The following SYNPO variants were observed in gnomAD, a reference collection of about 807,000 sequenced individuals.
The protein encoded by SYNPO is synaptopodin.
SYNPO carries 19 observed loss-of-function variants against 49.5 expected under a neutral mutation model. That is an observed-to-expected ratio of 0.38 (90% CI 0.27 to 0.56). SYNPO has a LOEUF of 0.56. SYNPO is among the 20% of genes least tolerant of loss of function. The pLI is 0.68. For missense variants in SYNPO, 1,131 were observed against 1,248.3 expected (o/e 0.91, Z 1.42); for synonymous variants, 536 against 548.0 (o/e 0.98, Z 0.31).
At chr5:150,626,392 G>A (rs898402800) in intron 2 of SYNPO, among the ~76,000 whole-genome samples, 4 of 152,144 alleles carry the variant, frequency 2.6e-5, no homozygotes, top group African/African-American at 4.8e-5. Flanking sequence ...CCATCAGTAC[G>A]AAGGGGATGG....
At position 150,626,265 on chromosome 5, in the gene SYNPO, G is replaced by T. The variant is rs143680196; in HGVS notation, c.400+7498G>T. Among the ~76,000 whole-genome samples the T allele has an allele frequency of 2.8e-3, 422 of 152,324 alleles. 1 individual carries two copies. Among genetic ancestry groups the T allele is most frequent in the African/African-American group, 9.5e-3 (395 of 41,574 alleles). On this transcript the variant is annotated intron_variant, in intron 2 of 2. Coordinates refer to the SYNPO transcript ENST00000394243. ...GGCAGGCAGATGAGATCCCTCAGGG[G>T]AGTTGAAAACCCCCCGGGGAGCTGA...
At position 150,650,277 on chromosome 5, in the gene SYNPO, A is replaced by T; in HGVS notation, c.2002A>T (p.Thr668Ser). 1 of 1,613,802 alleles carries T rather than the reference A, an allele frequency of 6.2e-7. No homozygotes were observed. The highest frequency in any genetic ancestry group is 8.5e-7 in the Non-Finnish European group (1 of 1,179,974). ...GCAGGCCCCCAGGCCCTCCTTCTCTACCCGGAACGCCGGGATCGAGGCTCA... is the reference window on the plus strand; with the variant it reads ...GCAGGCCCCCAGGCCCTCCTTCTCTTCCCGGAACGCCGGGATCGAGGCTCA... ...AKQAPRPSFS[T>S]RNAGIEAQDR... Residue 668 changes from threonine to serine, a missense_variant, in exon 2 of 3, where the codon ACC becomes TCC. Physicochemically the swap from Thr to Ser is moderately conservative, Grantham distance 58 (BLOSUM62 1). Coordinates refer to ENST00000307662, the MANE Select transcript of SYNPO (RefSeq NM_007286.6).
chr5:150,654,426 T>C (rs867810724), intron 2 of SYNPO, among the ~76,000 whole-genome samples: 5 of 152,054 alleles, frequency 3.3e-5, no homozygotes, highest in African/African-American at 4.8e-5. Flanking sequence ...TTTACACCTC[T>C]GAGCTTCATT....
chr5:150,589,852 G>T, the SYNPO span, among the ~76,000 whole-genome samples: 1 of 152,222 alleles, frequency 6.6e-6, no homozygotes, highest in Non-Finnish European at 1.5e-5. Context: ...TGTGCTCTCT[G>T]TAGTGCTCTC....
intron 1 of SYNPO, among the ~76,000 whole-genome samples, chr5:150,644,323 A>G (rs1581503009): frequency 6.6e-6 from 1 of 152,282 alleles, no homozygotes; most frequent in East Asian, 1.9e-4. Context: ...TGTTTTGAAG[A>G]TGCAAGAATT....
chr5:150,616,653 T>A (rs40310), intron 1 of SYNPO, among the ~76,000 whole-genome samples: 2 of 152,114 alleles, frequency 1.3e-5, no homozygotes, highest in Admixed American at 1.3e-4. Flanking sequence ...CTAACTCATC[T>A]CCCTGCTCCA....
intron 2 of SYNPO, among the ~76,000 whole-genome samples, chr5:150,619,288 C>T (rs1757077752): frequency 6.6e-6 from 1 of 152,100 alleles, no homozygotes; most frequent in South Asian, 2.1e-4. Context: ...GGTGGGGAAA[C>T]TGAGACTCAG....
At chr5:150,620,007 T>G (rs996377307) in intron 2 of SYNPO, among the ~76,000 whole-genome samples, 2 of 152,064 alleles carry the variant, frequency 1.3e-5, no homozygotes, top group Non-Finnish European at 2.9e-5. Flanking sequence ...TTCAGTCTCC[T>G]ACAGTCTGAA....
At chr5:150,598,617 C>A (rs1490225067), upstream of SYNPO, among the ~76,000 whole-genome samples, 3 of 152,170 alleles carry the variant, frequency 2.0e-5, no homozygotes, top group Non-Finnish European at 2.9e-5. Context: ...AGATAAGTAT[C>A]CAGATATAGT....
chr5:150,626,527 C>G (rs774153287), intron 2 of SYNPO, among the ~76,000 whole-genome samples: 1 of 152,212 alleles, frequency 6.6e-6, no homozygotes. Flanking sequence ...CCCCTCAACC[C>G]CACAACTGAC....
upstream of SYNPO, among the ~76,000 whole-genome samples, chr5:150,596,917 G>T (rs1359989702): frequency 6.6e-6 from 1 of 152,218 alleles, no homozygotes; most frequent in Non-Finnish European, 1.5e-5. Flanking sequence ...GTTTGCAAGG[G>T]CTGGAAAGCC....
chr5:150,590,502 A>T, the SYNPO span, among the ~76,000 whole-genome samples: 3 of 152,350 alleles, frequency 2.0e-5, no homozygotes, highest in African/African-American at 7.2e-5. Context: ...ACCAGAGTCA[A>T]ACCAAGCCTG....
At chr5:150,628,080 G>A (rs1362915583) in intron 2 of SYNPO, among the ~76,000 whole-genome samples, 1 of 150,476 alleles carries the variant, frequency 6.6e-6, no homozygotes, top group Non-Finnish European at 1.5e-5. Flanking sequence ...AGAGTCTTTT[G>A]TGAACTGTCC....
intron 2 of SYNPO, among the ~76,000 whole-genome samples, chr5:150,634,862 AC>A (rs376092674): frequency 0.021 from 921 of 44,508 alleles, 9 homozygotes; most frequent in South Asian, 0.058. Context: ...ACACACACAC[AC>A]CACACACACA....
intron 1 of SYNPO, among the ~76,000 whole-genome samples, chr5:150,605,617 G>A (rs1756670548): frequency 6.6e-6 from 1 of 152,110 alleles, no homozygotes. Flanking sequence ...CCGGAAAGGA[G>A]AGGAAGAAAG....
At chr5:150,639,209 T>C (rs1409321802), upstream of SYNPO, among the ~76,000 whole-genome samples, 2 of 152,242 alleles carry the variant, frequency 1.3e-5, no homozygotes, top group African/African-American at 4.8e-5. Flanking sequence ...AGGCTTGCGC[T>C]GACTGTGGAG....
intron 1 of SYNPO, among the ~76,000 whole-genome samples, chr5:150,604,077 G>A (rs558217747): frequency 3.0e-4 from 46 of 152,312 alleles, no homozygotes; most frequent in Non-Finnish European, 5.7e-4. Flanking sequence ...CAGGGGCATA[G>A]CCTCTGCCTG....
At chr5:150,618,631 C>T in exon 2 of SYNPO, 1 of 1,551,450 alleles carries the variant, frequency 6.4e-7, no homozygotes. Context: ...TCCAACCACC[C>T]AGCTGCTCCA....
chr5:150,616,236 C>G (rs1460450611), intron 1 of SYNPO, among the ~76,000 whole-genome samples: 1 of 152,208 alleles, frequency 6.6e-6, no homozygotes, highest in Non-Finnish European at 1.5e-5. Flanking sequence ...AGGTGCCTGA[C>G]CCCTGCTTGG....
Sources: gnomAD v4.1 joint callset for allele counts (sites outside exome capture counted in the v4.1 genomes callset) on GRCh38, gnomAD v4.1.1 for gene constraint, MANE v1.5 for transcripts, NCBI Gene and HGNC (gene_info 2026-07-23, HGNC 2026-07-21) for gene names.